The following MLF2 variants were observed in gnomAD, a reference collection of about 807,000 sequenced individuals.
MLF2 encodes the protein myeloid leukemia factor 2, also known as myelodysplasia-myeloid leukemia factor 2.
A neutral mutation model predicts 31.4 loss-of-function variants in MLF2; 12 were observed. That is an observed-to-expected ratio of 0.38 (90% CI 0.24 to 0.62). The LOEUF (loss-of-function observed/expected upper bound fraction) is 0.62, where lower values mean the gene tolerates loss of function less well. Ranked by LOEUF, MLF2 falls within the 20% of genes least tolerant of loss-of-function variation. The pLI, the probability that MLF2 is intolerant of heterozygous loss-of-function variation, is 0.58. For synonymous variants in MLF2, 109 were observed against 118.8 expected, an observed-to-expected ratio of 0.92 and a Z score of 0.54; for missense variants, 272 against 359.7, an observed-to-expected ratio of 0.76 and a Z score of 1.97.
Position 6,748,630 on chromosome 12 carries a change from T to G in MLF2, c.*26-83A>C. Reference sequence around the variant, plus strand: ...AGCCAGGAGTTGGGGTTTAATCCCCTATGTCAGTGAGAACATTGTTCTCTT... The same window carrying G: ...AGCCAGGAGTTGGGGTTTAATCCCCGATGTCAGTGAGAACATTGTTCTCTT... On this transcript the variant is annotated intron_variant, in intron 8 of 8. Coordinates refer to ENST00000203630, the MANE Select transcript of MLF2 (RefSeq NM_001382226.1). This position sits in a 1 kb window ranked among gnomAD's most constrained non-coding sequence, Gnocchi z 4.6. 1 of 672,688 alleles carries G rather than the reference T, an allele frequency of 1.5e-6. No individual in the cohort carries two copies. 41.7% of individuals were successfully genotyped at this position (672,688 alleles called of 1,614,324 possible). A position where few individuals can be genotyped will look rare whatever the true frequency, so the allele number is the denominator to read the frequency against.
rs371743916 is a variant in MLF2, at chr12:6,751,660, G to A, written c.197C>T (p.Pro66Leu). Residue 66 changes from proline to leucine, a missense_variant, in exon 4 of 9, where the codon CCC becomes CTC. Transcript: ENST00000203630. ...RRMQQAGAVS[P>L]FGMLGMSGGF... ...ACTCACCATTCCCAGCATCCCAAAG[G>A]GGGAGACAGCTCCAGCCTACAGGAA... 3 of 1,614,086 alleles carry A rather than the reference G, an allele frequency of 1.9e-6. No individual in the cohort carries two copies. Among genetic ancestry groups the A allele is most frequent in the South Asian group, 1.1e-5 (1 of 91,086 alleles).
chr12:6,750,534 C>T lies in MLF2; in HGVS notation c.270+179G>A. The T allele has an allele frequency of 1.1e-6, 1 of 887,888 alleles. No individual in the cohort carries two copies. The allele number at this position is 887,888 out of a possible 1,614,324, so 55.0% of individuals were successfully genotyped here. On this transcript the variant is annotated intron_variant, in intron 5 of 8. Transcript: ENST00000203630. This position sits in a 1 kb window ranked among gnomAD's most constrained non-coding sequence, Gnocchi z 5.3. The stretch of plus-strand genomic sequence containing the variant: ...TGTATGCTACGTAAGAGAGCTGCTG[C>T]CGGCTGCTTCAGGCAGGCATGACAG...
At position 6,750,901 on chromosome 12, in the gene MLF2, C is replaced by T; in HGVS notation, c.217-135G>A. ...CCTTCACATCTAGCAAGTTCTCTTT[C>T]TCATTCTGTTAAAATAACCAGAATA... On this transcript the variant is annotated intron_variant, in intron 4 of 8. Coordinates refer to ENST00000203630, the MANE Select transcript of MLF2 (RefSeq NM_001382226.1). The surrounding 1 kb of genome is among the most constrained non-coding windows in gnomAD (Gnocchi z 5.3). 2.6e-6 allele frequency: 2 copies of T among 759,414 alleles called. No individual in the cohort carries two copies. Among genetic ancestry groups the T allele is most frequent in the Non-Finnish European group, 2.3e-6 (1 of 437,748 alleles). The allele number at this position is 759,414 out of a possible 1,614,324, so 47.0% of individuals were successfully genotyped here.
chr12:6,749,738 A>AAT lies in MLF2; in HGVS notation c.559+109_559+110insAT. The stretch of plus-strand genomic sequence containing the variant: ...GACTCCATCTCAAAAAAAAAAAAAA[A>AAT]GGAATATGGGGCTGACCCAGAGCTT... On this transcript the variant is annotated intron_variant, in intron 7 of 8. Coordinates refer to ENST00000203630, the MANE Select transcript of MLF2 (RefSeq NM_001382226.1). This position sits in a 1 kb window ranked among gnomAD's most constrained non-coding sequence, Gnocchi z 5.3. 5 of 1,327,072 alleles carry AAT rather than the reference A, an allele frequency of 3.8e-6. No homozygotes were observed. The highest frequency in any genetic ancestry group is 4.1e-6 in the Non-Finnish European group (4 of 968,164). The allele number at this position is 1,327,072 out of a possible 1,614,324, so 82.2% of individuals were successfully genotyped here.
chr12:6,749,834 G>A lies in MLF2; in HGVS notation c.559+14C>T, dbSNP rs1354407768. Reference sequence around the variant, plus strand: ...TTAGGGGCTGCCAGCCAGGAAGCGGGAGGGAAGGCTCACTCTCATCCAGGT... The same window carrying A: ...TTAGGGGCTGCCAGCCAGGAAGCGGAAGGGAAGGCTCACTCTCATCCAGGT... On this transcript the variant is annotated intron_variant, in intron 7 of 8. Transcript: ENST00000203630. The surrounding 1 kb of genome is among the most constrained non-coding windows in gnomAD (Gnocchi z 5.3). The A allele has an allele frequency of 6.2e-7, 1 of 1,613,562 alleles. No homozygotes were observed. Among genetic ancestry groups the A allele is most frequent in the East Asian group, 2.2e-5 (1 of 44,858 alleles).
rs949351608 is a variant in MLF2 at position 6,750,360 on chromosome 12, A to C, written c.271-55T>G. 2.5e-5 allele frequency: 39 copies of C among 1,589,698 alleles called. No individual in the cohort carries two copies. Among genetic ancestry groups the C allele is most frequent in the Non-Finnish European group, 3.3e-5 (38 of 1,165,886 alleles). On this transcript the variant is annotated intron_variant, in intron 5 of 8. Transcript: ENST00000203630. This position sits in a 1 kb window ranked among gnomAD's most constrained non-coding sequence, Gnocchi z 5.3. Reference sequence around the variant, plus strand: ...AATGGGGAGGCATCACCCCTGGTGAAGGGATTTCACCCTTCAGCTGCCTGT... The same window carrying C: ...AATGGGGAGGCATCACCCCTGGTGACGGGATTTCACCCTTCAGCTGCCTGT...
Position 6,750,394 on chromosome 12 carries a change from G to C in MLF2, c.271-89C>G, listed in dbSNP as rs747315307. 1 of 1,469,714 alleles carries C rather than the reference G, an allele frequency of 6.8e-7. No individual in the cohort carries two copies. The highest frequency in any genetic ancestry group is 9.2e-7 in the Non-Finnish European group (1 of 1,089,660). 91.0% of individuals were successfully genotyped at this position (1,469,714 alleles called of 1,614,324 possible). A position where few individuals can be genotyped will look rare whatever the true frequency, so the allele number is the denominator to read the frequency against. On this transcript the variant is annotated intron_variant, in intron 5 of 8. Coordinates refer to ENST00000203630, the MANE Select transcript of MLF2 (RefSeq NM_001382226.1). This position sits in a 1 kb window ranked among gnomAD's most constrained non-coding sequence, Gnocchi z 5.3. ...ACCCTTCAGCTGCCTGTTCTAGCCT[G>C]TATCTTTCTCACAAAATGCAAGAAC... is the stretch of plus-strand genomic sequence containing the variant.
rs1290452377 is a variant in MLF2, at chr12:6,749,725, A to G, written c.559+123T>C. ...GCAACAAGAGCGAGACTCCATCTCA[A>G]AAAAAAAAAAAAAGGAATATGGGGC... On this transcript the variant is annotated intron_variant, in intron 7 of 8. Coordinates refer to ENST00000203630, the MANE Select transcript of MLF2 (RefSeq NM_001382226.1). This position sits in a 1 kb window ranked among gnomAD's most constrained non-coding sequence, Gnocchi z 5.3. 3 of 721,398 alleles carry G rather than the reference A, an allele frequency of 4.2e-6. No individual in the cohort carries two copies. Among genetic ancestry groups the G allele is most frequent in the Non-Finnish European group, 5.7e-6 (3 of 524,476 alleles). The allele number at this position is 721,398 out of a possible 1,614,324, so 44.7% of individuals were successfully genotyped here. A position where few individuals can be genotyped will look rare whatever the true frequency, so the allele number is the denominator to read the frequency against.
rs141110142 is a variant in MLF2, at chr12:6,752,337, T to C, written c.-3A>G. ...ACGTCCCTCATGAAGCGGAACATCCTGATCTCAGCTCCAGGGGGCTCCACA... is the reference window on the plus strand; with the variant it reads ...ACGTCCCTCATGAAGCGGAACATCCCGATCTCAGCTCCAGGGGGCTCCACA... On this transcript the variant is annotated 5_prime_UTR_variant, in exon 2 of 9. Coordinates refer to ENST00000203630, the MANE Select transcript of MLF2 (RefSeq NM_001382226.1). This position sits in a 1 kb window ranked among gnomAD's most constrained non-coding sequence, Gnocchi z 4.6. 217 of 1,559,134 alleles carry C rather than the reference T, an allele frequency of 1.4e-4. No individual in the cohort carries two copies. In the African/African-American group the frequency reaches 1.9e-3, roughly 14 times the overall value.
intron 3 of MLF2, 105 bp from the exon 4 acceptor site, chr12:6,751,781 G>T (rs1301671189): frequency 3.9e-6 from 6 of 1,557,638 alleles, no homozygotes; most frequent in Non-Finnish European, 5.3e-6. Context: ...TCAAAAGGGA[G>T]TCACAAAGCC....
Position 6,748,919 on chromosome 12 carries a change from G to T in MLF2, c.623C>A (p.Pro208His), listed in dbSNP as rs1465861383. 2 of 1,602,684 alleles carry T rather than the reference G, an allele frequency of 1.2e-6. No individual in the cohort carries two copies. Among genetic ancestry groups the T allele is most frequent in the Non-Finnish European group, 8.5e-7 (1 of 1,175,130 alleles). Residue 208 changes from proline to histidine, a missense_variant, in exon 8 of 9, where the codon CCC becomes CAC. By Grantham distance (77) the Pro-to-His change is moderately conservative (BLOSUM62 -2). Transcript: ENST00000203630. The surrounding 1 kb of genome is among the most constrained non-coding windows in gnomAD (Gnocchi z 4.6). ...GGACTCAAGCCGCCGAAACTCCAGGGGACGCTGCTGCCGGAATCGGGAGGT... is the reference window on the plus strand; with the variant it reads ...GGACTCAAGCCGCCGAAACTCCAGGTGACGCTGCTGCCGGAATCGGGAGGT... ...RETSRFRQQR[P>H]LEFRRLESSG...
At chr12:6,751,214 A>G (rs548872241) in intron 4 of MLF2, 1 of 237,018 alleles carries the variant, frequency 4.2e-6, no homozygotes, top group Non-Finnish European at 8.2e-6. Context: ...AGTTAATAAC[A>G]TCTTTTCTTT....
In MLF2 at chr12:6,750,760, C is replaced by T. The variant is rs774390421; in HGVS notation, c.223G>A (p.Gly75Ser). 5 of 1,613,888 alleles carry T rather than the reference C, an allele frequency of 3.1e-6. No homozygotes were observed. The highest frequency in any genetic ancestry group is 1.7e-5 in the Admixed American group (1 of 59,982). ...SPFGMLGMSG[G>S]FMDMFGMMND... ...ATCATCCCAAACATGTCCATGAAAC[C>T]ACCCGACTGGAGGAAAGAGATGGAA... Residue 75 changes from glycine (G) to serine (S), a missense_variant, in exon 5 of 9, where the codon GGT becomes AGT. Coordinates refer to ENST00000203630, the MANE Select transcript of MLF2 (RefSeq NM_001382226.1). This position sits in a 1 kb window ranked among gnomAD's most constrained non-coding sequence, Gnocchi z 5.3.
chr12:6,748,050 C>G lies in MLF2; in HGVS notation c.*523G>C, dbSNP rs1941552257. The stretch of plus-strand genomic sequence containing the variant: ...ACACCTAGTTACAAGTTGCACAAAT[C>G]AAAAAATAAAGGCAGAGAAGGGTGT... On this transcript the variant is annotated 3_prime_UTR_variant, in exon 9 of 9. Transcript: ENST00000203630. The surrounding 1 kb of genome is among the most constrained non-coding windows in gnomAD (Gnocchi z 4.6). The G allele has an allele frequency of 2.0e-5, 3 of 152,290 alleles. No individual in the cohort carries two copies. In the South Asian group the frequency reaches 6.2e-4, roughly 32 times the overall value. The allele number at this position is 152,290 out of a possible 1,614,324, so 9.4% of individuals were successfully genotyped here.
In MLF2 at chr12:6,750,765, G is replaced by T; in HGVS notation, c.218C>A (p.Ser73Ter). The change falls in exon 5 of 9, where the codon TCG (serine) becomes TAG (stop). Residue 73 changes from serine (S) to a stop codon, truncating the protein, a stop_gained and splice_region_variant. Transcript: ENST00000203630. LOFTEE classifies it high-confidence loss of function. This position sits in a 1 kb window ranked among gnomAD's most constrained non-coding sequence, Gnocchi z 5.3. ...AVSPFGMLGM[S>*]GGFMDMFGMM... ...CCCAAACATGTCCATGAAACCACCC[G>T]ACTGGAGGAAAGAGATGGAAAACAG... is the stretch of plus-strand genomic sequence containing the variant. 6.2e-7 allele frequency: 1 copy of T among 1,613,870 alleles called. No individual in the cohort carries two copies. Among genetic ancestry groups the T allele is most frequent in the South Asian group, 1.1e-5 (1 of 91,038 alleles).
Position 6,752,555 on chromosome 12 carries a change from G to T in MLF2, c.-28-193C>A. Reference sequence around the variant, plus strand: ...GCTCTTCAAACCTCTTTCTCAATTAGGGCCATGGAAAATTTTTCCAACCCT... The same window carrying T: ...GCTCTTCAAACCTCTTTCTCAATTATGGCCATGGAAAATTTTTCCAACCCT... On this transcript the variant is annotated intron_variant, in intron 1 of 8. Transcript: ENST00000203630. This position sits in a 1 kb window ranked among gnomAD's most constrained non-coding sequence, Gnocchi z 4.6. The T allele has an allele frequency of 1.9e-6, 1 of 513,696 alleles. No homozygotes were observed. The highest frequency in any genetic ancestry group is 3.4e-6 in the Non-Finnish European group (1 of 290,250). 31.8% of individuals were successfully genotyped at this position (513,696 alleles called of 1,614,324 possible). A position where few individuals can be genotyped will look rare whatever the true frequency, so the allele number is the denominator to read the frequency against.
rs1264136119 is a variant in MLF2, at chr12:6,748,730, T to C, written c.*25+40A>G. Reference sequence around the variant, plus strand: ...GAGCCTGCCTTGCAGCCGAGGACCGTCCGCAGGTGCACCCCACCCTCCTTA... The same window carrying C: ...GAGCCTGCCTTGCAGCCGAGGACCGCCCGCAGGTGCACCCCACCCTCCTTA... On this transcript the variant is annotated intron_variant, in intron 8 of 8. Coordinates refer to ENST00000203630, the MANE Select transcript of MLF2 (RefSeq NM_001382226.1). The surrounding 1 kb of genome is among the most constrained non-coding windows in gnomAD (Gnocchi z 4.6). The C allele has an allele frequency of 4.1e-5, 58 of 1,420,338 alleles. No homozygotes were observed. Among genetic ancestry groups the C allele is most frequent in the Non-Finnish European group, 5.1e-5 (55 of 1,074,914 alleles). 88.0% of individuals were successfully genotyped at this position (1,420,338 alleles called of 1,614,324 possible).
chr12:6,751,935 C>A lies in MLF2; in HGVS notation c.170G>T (p.Arg57Leu), dbSNP rs148330695. The change falls in exon 3 of 9, where the codon CGG becomes CTG. Residue 57 changes from arginine to leucine, a missense_variant. Physicochemically the swap from Arg to Leu is moderately radical, Grantham distance 102 (BLOSUM62 -2). Coordinates refer to ENST00000203630, the MANE Select transcript of MLF2 (RefSeq NM_001382226.1). ...TCTCAGCATCATTACCTGCTGCATC[C>A]GGCGGCTGGCAGGCCTGGTCCCTGG... ...NMPGTRPASR[R>L]MQQAGAVSPF... The A allele has an allele frequency of 2.4e-5, 39 of 1,614,066 alleles. No individual in the cohort carries two copies. Among genetic ancestry groups the A allele is most frequent in the Non-Finnish European group, 3.2e-5 (38 of 1,180,032 alleles).
In MLF2 at chr12:6,750,640, G is replaced by T; in HGVS notation, c.270+73C>A. 6.7e-7 allele frequency: 1 copy of T among 1,484,686 alleles called. No homozygotes were observed. Among genetic ancestry groups the T allele is most frequent in the Non-Finnish European group, 9.4e-7 (1 of 1,063,982 alleles). The allele number at this position is 1,484,686 out of a possible 1,614,324, so 92.0% of individuals were successfully genotyped here. A position where few individuals can be genotyped will look rare whatever the true frequency, so the allele number is the denominator to read the frequency against. ...TTCACTAGCATACTGTTTCCCTCTTGCCTTAGAGGATGCAAGGTGTTGTCA... is the reference window on the plus strand; with the variant it reads ...TTCACTAGCATACTGTTTCCCTCTTTCCTTAGAGGATGCAAGGTGTTGTCA... On this transcript the variant is annotated intron_variant, in intron 5 of 8. Transcript: ENST00000203630. This position sits in a 1 kb window ranked among gnomAD's most constrained non-coding sequence, Gnocchi z 5.3.
Sources: allele counts gnomAD v4.1 joint callset, GRCh38; gene constraint gnomAD v4.1.1; non-coding constraint Gnocchi (gnomAD v3.1); transcripts MANE v1.5; gene names NCBI Gene and HGNC (gene_info 2026-07-23, HGNC 2026-07-21).